PCDH15: variants seen among roughly 807,000 people sequenced by gnomAD.
PCDH15 encodes protocadherin related 15.
Under a neutral mutation model 178.5 loss-of-function variants are expected in PCDH15, and 129 were observed. The ratio of observed to expected loss-of-function variants is 0.72; its 90% CI spans 0.63 to 0.84. PCDH15 has a LOEUF of 0.84. Ranked by LOEUF, PCDH15 falls within the 40% of genes least tolerant of loss-of-function variation. PCDH15 has a pLI of 0.00. For synonymous variants in PCDH15, 800 were observed against 732.0 expected, an observed-to-expected ratio of 1.09 and a Z score of -1.50; for missense variants, 2,230 against 2,099.9, an observed-to-expected ratio of 1.06 and a Z score of -1.21.
chr10:54,796,813 C>T (rs1009017590), intron 1 of PCDH15, among the ~76,000 whole-genome samples: 5 of 152,044 alleles, frequency 3.3e-5, no homozygotes, highest in Middle Eastern at 3.4e-3. Context: ...ATGTAAGATT[C>T]TAAAGTAATA....
At chr10:54,915,099 T>G (rs896100209) in intron 2 of PCDH15, among the ~76,000 whole-genome samples, 7 of 152,226 alleles carry the variant, frequency 4.6e-5, no homozygotes, top group Non-Finnish European at 7.3e-5. Flanking sequence ...AATTACTTAT[T>G]ATCATTGTTA....
chr10:54,618,940 T>C (rs2093271404), intron 2 of PCDH15, among the ~76,000 whole-genome samples: 1 of 151,968 alleles, frequency 6.6e-6, no homozygotes, highest in African/African-American at 2.4e-5. Context: ...TCCAGGAGGA[T>C]ATCAAAGCAT....
chr10:54,171,819 T>G (rs1366166380), intron 13 of PCDH15, among the ~76,000 whole-genome samples: 8 of 151,826 alleles, frequency 5.3e-5, no homozygotes, highest in Non-Finnish European at 8.8e-5. Flanking sequence ...CCATCACCAA[T>G]CATTCTATAT....
chr10:54,503,989 A>G (rs2080952806), intron 3 of PCDH15, among the ~76,000 whole-genome samples: 1 of 152,108 alleles, frequency 6.6e-6, no homozygotes, highest in Non-Finnish European at 1.5e-5. Flanking sequence ...GTCCAATCCT[A>G]AAATCTCACT....
chr10:53,987,999 T>C (rs982971083), intron 21 of PCDH15, among the ~76,000 whole-genome samples: 1 of 152,216 alleles, frequency 6.6e-6, no homozygotes, highest in East Asian at 1.9e-4. Context: ...CTTTCAGAGT[T>C]TGAACCTCAA....
chr10:55,449,317 T>C (rs2132078885), intron 2 of PCDH15, among the ~76,000 whole-genome samples: 1 of 152,128 alleles, frequency 6.6e-6, no homozygotes, highest in East Asian at 1.9e-4. Flanking sequence ...ACAATGTTGG[T>C]TCCATCAGAA....
intron 3 of PCDH15, among the ~76,000 whole-genome samples, chr10:54,845,201 G>A (rs1330122090): frequency 6.6e-6 from 1 of 151,072 alleles, no homozygotes. Flanking sequence ...ATAATTTTAA[G>A]TGATGTTTAA....
At chr10:54,898,633 A>G (rs1954587668) in intron 2 of PCDH15, among the ~76,000 whole-genome samples, 1 of 152,164 alleles carries the variant, frequency 6.6e-6, no homozygotes, top group Admixed American at 6.5e-5. Flanking sequence ...TATCCAATAA[A>G]TACCTAGTTC....
intron 2 of PCDH15, among the ~76,000 whole-genome samples, chr10:55,062,728 C>G (rs529720515): frequency 2.2e-3 from 340 of 152,194 alleles, no homozygotes; most frequent in Non-Finnish European, 3.8e-3. Context: ...CTAAGGTAAA[C>G]TGTGGACTTT....
At chr10:53,950,078 T>G (rs1275133196) in intron 23 of PCDH15, among the ~76,000 whole-genome samples, 1 of 152,082 alleles carries the variant, frequency 6.6e-6, no homozygotes. Flanking sequence ...TTTTTTATTT[T>G]AACAGAGAAA....
chr10:53,843,703 C>A (rs1025758735), intron 28 of PCDH15, among the ~76,000 whole-genome samples: 1 of 151,928 alleles, frequency 6.6e-6, no homozygotes, highest in African/African-American at 2.4e-5. Context: ...TAAAAAAAGT[C>A]TTCATATAAA....
At chr10:54,642,780 T>C (rs1414514047) in intron 2 of PCDH15, among the ~76,000 whole-genome samples, 1 of 152,154 alleles carries the variant, frequency 6.6e-6, no homozygotes, top group Non-Finnish European at 1.5e-5. Context: ...AGGACAAAAG[T>C]TTTACATTTG....
At chr10:53,891,701 C>T (rs2081562918) in intron 26 of PCDH15, among the ~76,000 whole-genome samples, 1 of 151,910 alleles carries the variant, frequency 6.6e-6, no homozygotes, top group Non-Finnish European at 1.5e-5. Context: ...GCCTGTAATC[C>T]CAGCATTTTG....
At chr10:54,146,978 G>GTATATATATAATGTATATATATAGTA (rs2044027966) in intron 14 of PCDH15, among the ~76,000 whole-genome samples, 1 of 119,756 alleles carries the variant, frequency 8.4e-6, no homozygotes, top group African/African-American at 3.7e-5. Flanking sequence ...TATATATAGT[G>GTATATATATAATGTATATATATAGTA]TATATATATA....
At chr10:55,197,487 G>C (rs1840125682) in intron 1 of PCDH15, among the ~76,000 whole-genome samples, 1 of 151,980 alleles carries the variant, frequency 6.6e-6, no homozygotes, top group African/African-American at 2.4e-5. Flanking sequence ...GATAGACTTG[G>C]ACTTCAACAC....
intron 2 of PCDH15, among the ~76,000 whole-genome samples, chr10:55,625,985 T>C (rs2132176926): frequency 1.3e-5 from 2 of 152,176 alleles, no homozygotes; most frequent in East Asian, 3.9e-4. Flanking sequence ...ACCCAGGAAA[T>C]GTATAAACTA....
chr10:54,884,496 T>TGG (rs1954319017), intron 3 of PCDH15, among the ~76,000 whole-genome samples: 1 of 151,810 alleles, frequency 6.6e-6, no homozygotes, highest in East Asian at 1.9e-4. Flanking sequence ...TGTGTGTGTG[T>TGG]GTGTGTGTGT....
intron 2 of PCDH15, among the ~76,000 whole-genome samples, chr10:55,565,658 C>T (rs551821430): frequency 1.3e-5 from 2 of 151,616 alleles, no homozygotes; most frequent in African/African-American, 2.4e-5. Flanking sequence ...AAAATGGTGA[C>T]TTTGCTATCA....
At chr10:55,472,703 T>C (rs1184550507) in intron 2 of PCDH15, among the ~76,000 whole-genome samples, 1 of 152,044 alleles carries the variant, frequency 6.6e-6, no homozygotes, top group Non-Finnish European at 1.5e-5. Context: ...CTAGTAGCTG[T>C]GACTACAGGC....
Sources: allele counts gnomAD v4.1 joint callset (sites outside exome capture counted in the v4.1 genomes callset), GRCh38; gene constraint gnomAD v4.1.1; transcripts MANE v1.5; gene names NCBI Gene and HGNC (gene_info 2026-07-23, HGNC 2026-07-21).